The following CACNA2D1 variants were observed in gnomAD, a reference collection of about 807,000 sequenced individuals.
CACNA2D1 encodes calcium voltage-gated channel auxiliary subunit alpha2delta 1, also known as voltage-dependent calcium channel subunit alpha-2/delta-1.
CACNA2D1 carries 53 observed loss-of-function variants against 171.5 expected under a neutral mutation model. The ratio of observed to expected loss-of-function variants is 0.31; its 90% confidence interval spans 0.25 to 0.39. CACNA2D1 has a LOEUF of 0.39. Ranked by LOEUF, CACNA2D1 falls within the 10% of genes least tolerant of loss-of-function variation. The pLI is 1.00. For synonymous variants in CACNA2D1, 442 were observed against 443.1 expected, an observed-to-expected ratio of 1.00 and a Z score of 0.03; for missense variants, 903 against 1,299.8, an observed-to-expected ratio of 0.69 and a Z score of 4.69.
chr7:82,088,960 G>A (rs924876265), intron 6 of CACNA2D1, among the ~76,000 whole-genome samples: 4 of 151,782 alleles, frequency 2.6e-5, no homozygotes, highest in African/African-American at 7.3e-5. Flanking sequence ...TTCACAACAG[G>A]GTTCATGCTC....
intron 3 of CACNA2D1, among the ~76,000 whole-genome samples, chr7:82,312,509 C>CT (rs557443177): frequency 0.036 from 4,307 of 118,950 alleles, 109 homozygotes; most frequent in Admixed American, 0.048. Flanking sequence ...TTAACTGAAA[C>CT]TTTTTTTTTT....
chr7:82,393,079 AAGGAAGGCAGGC>A (rs1324326399), intron 1 of CACNA2D1, among the ~76,000 whole-genome samples: 1,867 of 113,688 alleles, frequency 0.016, 16 homozygotes, highest in Non-Finnish European at 0.02. Context: ...GGAAGGAAGG[AAGGAAGGCAGGC>A]AGGCAGGCAG....
At chr7:82,300,395 T>C (rs1419450696) in intron 3 of CACNA2D1, among the ~76,000 whole-genome samples, 1 of 151,992 alleles carries the variant, frequency 6.6e-6, no homozygotes, top group African/African-American at 2.4e-5. Context: ...ATTTTATACG[T>C]AAAAGAATGA....
chr7:82,107,733 A>G lies in CACNA2D1; in HGVS notation c.526+9311T>C, dbSNP rs186802220. On this transcript the variant is annotated intron_variant, in intron 6 of 38. Coordinates refer to ENST00000356860, the MANE Select transcript of CACNA2D1 (RefSeq NM_000722.4). ...CGAGTAGCTGGGATTACAAGCACACATCACCACACCTGGCTAAGTTTTGTA... is the reference window on the plus strand; with the variant it reads ...CGAGTAGCTGGGATTACAAGCACACGTCACCACACCTGGCTAAGTTTTGTA... Among the ~76,000 whole-genome samples the G allele has an allele frequency of 1.4e-4, 21 of 151,962 alleles. 1 individual carries two copies. In the East Asian group the frequency reaches 3.9e-3, roughly 28 times the overall value.
chr7:82,438,864 C>T (rs996817583), intron 1 of CACNA2D1, among the ~76,000 whole-genome samples: 1 of 152,056 alleles, frequency 6.6e-6, no homozygotes, highest in African/African-American at 2.4e-5. Context: ...AATAATGGAC[C>T]GTTGTCATTT....
chr7:82,413,857 G>A (rs1320124644), intron 1 of CACNA2D1, among the ~76,000 whole-genome samples: 1 of 151,798 alleles, frequency 6.6e-6, no homozygotes, highest in Non-Finnish European at 1.5e-5. Flanking sequence ...CACTAATACA[G>A]AATGTAATAT....
At chr7:82,418,478 ATAC>A (rs933018867) in intron 1 of CACNA2D1, among the ~76,000 whole-genome samples, 1 of 152,206 alleles carries the variant, frequency 6.6e-6, no homozygotes, top group Non-Finnish European at 1.5e-5. Context: ...AGAAGCAGAG[ATAC>A]TACTTTTTGA....
chr7:82,381,866 C>T (rs1180989767), intron 1 of CACNA2D1, among the ~76,000 whole-genome samples: 5 of 152,132 alleles, frequency 3.3e-5, no homozygotes, highest in African/African-American at 1.2e-4. Flanking sequence ...ACAACCCCGG[C>T]CTCTTATTTG....
intron 10 of CACNA2D1, among the ~76,000 whole-genome samples, chr7:82,049,126 T>A (rs202238532): frequency 1.2e-3 from 168 of 138,892 alleles, no homozygotes; most frequent in East Asian, 1.7e-3. Flanking sequence ...TGGCAACTCA[T>A]AAAAAAAAAA....
intron 4 of CACNA2D1, among the ~76,000 whole-genome samples, chr7:82,149,796 A>AAAAAAAAAAAG (rs1793595825): frequency 1.5e-5 from 2 of 136,774 alleles, no homozygotes; most frequent in African/African-American, 2.6e-5. Context: ...ACAAACAACA[A>AAAAAAAAAAAG]AAAAAAAAAC....
chr7:81,967,526 C>T, intron 30 of CACNA2D1, 70 bp downstream of exon 30: 2 of 814,570 alleles, frequency 2.5e-6, no homozygotes, highest in Non-Finnish European at 2.1e-6. Context: ...TGTATAAGGA[C>T]CTTATATTTT....
intron 1 of CACNA2D1, among the ~76,000 whole-genome samples, chr7:82,352,485 A>T (rs187778320): frequency 6.6e-6 from 1 of 152,192 alleles, no homozygotes; most frequent in Admixed American, 6.5e-5. Context: ...TTTTCACATA[A>T]TAAGAAACTA....
chr7:82,032,756 A>T, intron 12 of CACNA2D1, 41 bp downstream of exon 12: 1 of 1,133,430 alleles, frequency 8.8e-7, no homozygotes, highest in Non-Finnish European at 1.3e-6. Flanking sequence ...AAAACCACCT[A>T]GATCATTATT....
At chr7:82,076,685 T>G (rs1473036121) in intron 7 of CACNA2D1, among the ~76,000 whole-genome samples, 1 of 152,164 alleles carries the variant, frequency 6.6e-6, no homozygotes, top group Non-Finnish European at 1.5e-5. Flanking sequence ...TTAAGTGCTT[T>G]AATCATTGCA....
rs530138401 is a variant in CACNA2D1, at chr7:82,064,708, C to T, written c.729-354G>A. Among the ~76,000 whole-genome samples, 130 of 152,064 alleles carry T rather than the reference C, an allele frequency of 8.5e-4. 1 individual carries two copies. Among genetic ancestry groups the T allele is most frequent in the African/African-American group, 2.9e-3 (120 of 41,492 alleles). ...AAAAGTCACTTTAATGAAAAATAGA[C>T]TATCATATTTTTAAATGTAAAAAAT... On this transcript the variant is annotated intron_variant, in intron 8 of 38. Coordinates refer to ENST00000356860, the MANE Select transcript of CACNA2D1 (RefSeq NM_000722.4).
At chr7:81,952,234 G>A (rs1337390815) in intron 38 of CACNA2D1, among the ~76,000 whole-genome samples, 3 of 151,514 alleles carry the variant, frequency 2.0e-5, no homozygotes, top group African/African-American at 7.3e-5. Context: ...CAAGGTAGAT[G>A]TTCTAAGAAT....
At chr7:82,063,426 T>C (rs1807198720) in intron 9 of CACNA2D1, among the ~76,000 whole-genome samples, 1 of 152,188 alleles carries the variant, frequency 6.6e-6, no homozygotes, top group African/African-American at 2.4e-5. Flanking sequence ...GACTGGGTTA[T>C]GAGGGTTTGG....
At chr7:82,150,190 C>T (rs527348496) in intron 4 of CACNA2D1, among the ~76,000 whole-genome samples, 3 of 150,162 alleles carry the variant, frequency 2.0e-5, no homozygotes, top group East Asian at 2.0e-4. Context: ...TTGACAAATA[C>T]GGTCTCTAGA....
chr7:81,990,639 T>G (rs572242872), intron 21 of CACNA2D1, among the ~76,000 whole-genome samples: 1 of 151,454 alleles, frequency 6.6e-6, no homozygotes, highest in South Asian at 2.1e-4. Context: ...CAGAGGAGAG[T>G]TAGAGCAAGA....
Sources: gnomAD v4.1 joint callset for allele counts (sites outside exome capture counted in the v4.1 genomes callset) on GRCh38, gnomAD v4.1.1 for gene constraint, MANE v1.5 for transcripts, NCBI Gene and HGNC (gene_info 2026-07-23, HGNC 2026-07-21) for gene names.